The following CPEB4 variants were observed in gnomAD, a reference collection of about 807,000 sequenced individuals.
CPEB4 encodes cytoplasmic polyadenylation element-binding protein 4.
Under a neutral mutation model 72.5 loss-of-function variants are expected in CPEB4, and 12 were observed. The ratio of observed to expected loss-of-function variants is 0.17; its 90% CI spans 0.11 to 0.27. The LOEUF (loss-of-function observed/expected upper bound fraction) is 0.27, where lower values mean the gene tolerates loss of function less well. Ranked by LOEUF, CPEB4 falls within the 10% of genes least tolerant of loss-of-function variation. The pLI, the probability that CPEB4 is intolerant of heterozygous loss-of-function variation, is 1.00. For missense variants in CPEB4, 614 were observed against 908.5 expected, an observed-to-expected ratio of 0.68 and a Z score of 4.17; for synonymous variants, 302 against 326.3, an observed-to-expected ratio of 0.93 and a Z score of 0.80.
In CPEB4 at chr5:173,955,624, A is replaced by G. The variant is rs996212296; in HGVS notation, c.1963-286A>G. Among the ~76,000 whole-genome samples, 3 of 152,236 alleles carry G rather than the reference A, an allele frequency of 2.0e-5. No individual in the cohort carries two copies. Among genetic ancestry groups the G allele is most frequent in the African/African-American group, 7.2e-5 (3 of 41,470 alleles). On this transcript the variant is annotated intron_variant, in intron 9 of 9. Transcript: ENST00000265085. The surrounding 1 kb of genome is among the most constrained non-coding windows in gnomAD (Gnocchi z 4.7). Reference sequence around the variant, plus strand: ...TAATCTCCTGTGGGTTTAATCTCATAACATTCTAGTCTAAACAGTTGGCTT... The same window carrying G: ...TAATCTCCTGTGGGTTTAATCTCATGACATTCTAGTCTAAACAGTTGGCTT...
intron 2 of CPEB4, among the ~76,000 whole-genome samples, chr5:173,927,114 G>T (rs1757269456): frequency 6.6e-6 from 1 of 152,154 alleles, no homozygotes; most frequent in South Asian, 2.1e-4. Context: ...TCGTGCCATT[G>T]CACTCCAGCC....
At position 173,958,690 on chromosome 5, in the gene CPEB4, T is replaced by TA. The variant is rs61679086; in HGVS notation, c.*2563dup. On this transcript the variant is annotated 3_prime_UTR_variant, in exon 10 of 10. Transcript: ENST00000265085. Reference sequence around the variant, plus strand: ...AAATGACAGATAACACTGTAGTTCCTAAAAAAAAAATTAAATGCATAAGCA... The same window carrying TA: ...AAATGACAGATAACACTGTAGTTCCTAAAAAAAAAAATTAAATGCATAAGCA... 0.22 allele frequency: 33,653 copies of TA among 150,252 alleles called. 4,883 individuals carry two copies. Among genetic ancestry groups the TA allele is most frequent in the Non-Finnish European group, 0.31 (20,651 of 67,312 alleles). 9.3% of individuals were successfully genotyped at this position (150,252 alleles called of 1,614,324 possible).
chr5:173,922,057 C>T (rs907942031), intron 2 of CPEB4, among the ~76,000 whole-genome samples: 2 of 152,178 alleles, frequency 1.3e-5, no homozygotes, highest in Admixed American at 1.3e-4. Flanking sequence ...ACTCAGATTC[C>T]TGGTACCTAC....
chr5:173,932,359 T>C, intron 2 of CPEB4, 91 bp from the exon 3 acceptor site: 2 of 926,716 alleles, frequency 2.2e-6, no homozygotes, highest in Non-Finnish European at 3.3e-6. Context: ...CCTTGCCTAT[T>C]TGAAAGCAAG....
intron 2 of CPEB4, among the ~76,000 whole-genome samples, chr5:173,927,170 A>G (rs1429682116): frequency 6.6e-6 from 1 of 152,092 alleles, no homozygotes; most frequent in African/African-American, 2.4e-5. Context: ...AATAAAAAAG[A>G]TGAGTTCTCA....
intron 9 of CPEB4, 42 bp downstream of exon 9, chr5:173,953,314 C>T (rs1758271436): frequency 2.2e-6 from 3 of 1,378,598 alleles, no homozygotes; most frequent in Non-Finnish European, 2.9e-6. Context: ...AGAAATGGTC[C>T]TCTAAATGTG....
chr5:173,960,608 C>CG lies in CPEB4; in HGVS notation c.*4471_*4472insG, dbSNP rs1758519163. 2 of 152,260 alleles carry CG rather than the reference C, an allele frequency of 1.3e-5. No homozygotes were observed. Among genetic ancestry groups the CG allele is most frequent in the South Asian group, 4.1e-4 (2 of 4,820 alleles). The allele number at this position is 152,260 out of a possible 1,614,324, so 9.4% of individuals were successfully genotyped here. Reference sequence around the variant, plus strand: ...ACAGGGAGTAAGCCCAGGATCTAAGCATTCAGTTATCAGTTGAAGGCCAAA... The same window carrying CG: ...ACAGGGAGTAAGCCCAGGATCTAAGCGATTCAGTTATCAGTTGAAGGCCAAA... On this transcript the variant is annotated 3_prime_UTR_variant, in exon 10 of 10. Coordinates refer to ENST00000265085, the MANE Select transcript of CPEB4 (RefSeq NM_030627.4).
chr5:173,900,114 G>A lies in CPEB4; in HGVS notation c.1125+9256G>A, dbSNP rs1756171441. Among the ~76,000 whole-genome samples the A allele has an allele frequency of 6.6e-6, 1 of 152,080 alleles. No individual in the cohort carries two copies. The highest frequency in any genetic ancestry group is 1.5e-5 in the Non-Finnish European group (1 of 68,012). On this transcript the variant is annotated intron_variant, in intron 1 of 9. Coordinates refer to ENST00000265085, the MANE Select transcript of CPEB4 (RefSeq NM_030627.4). This position sits in a 1 kb window ranked among gnomAD's most constrained non-coding sequence, Gnocchi z 4.4. ...CATAAGCTTCAGTTTAGGAATAAAG[G>A]TTGTGCATTGGCCAGGTGTGGTGGC...
In CPEB4 at chr5:173,957,164, A is replaced by T. The variant is rs536228047; in HGVS notation, c.*1027A>T. 7 of 152,898 alleles carry T rather than the reference A, an allele frequency of 4.6e-5. 1 individual carries two copies. The highest frequency in any genetic ancestry group is 9.6e-5 in the African/African-American group (4 of 41,580). The allele number at this position is 152,898 out of a possible 1,614,324, so 9.5% of individuals were successfully genotyped here. A position where few individuals can be genotyped will look rare whatever the true frequency, so the allele number is the denominator to read the frequency against. Reference sequence around the variant, plus strand: ...CAACAACAGATCTAGAGATACCTCAAGGATATCATTTTTGATTTTGTGTTA... The same window carrying T: ...CAACAACAGATCTAGAGATACCTCATGGATATCATTTTTGATTTTGTGTTA... On this transcript the variant is annotated 3_prime_UTR_variant, in exon 10 of 10. Coordinates refer to ENST00000265085, the MANE Select transcript of CPEB4 (RefSeq NM_030627.4).
Position 173,959,239 on chromosome 5 carries a change from C to T in CPEB4, c.*3102C>T, listed in dbSNP as rs1006165234. 27 of 152,882 alleles carry T rather than the reference C, an allele frequency of 1.8e-4. No homozygotes were observed. The highest frequency in any genetic ancestry group is 6.0e-4 in the African/African-American group (25 of 41,564). 9.5% of individuals were successfully genotyped at this position (152,882 alleles called of 1,614,324 possible). A position where few individuals can be genotyped will look rare whatever the true frequency, so the allele number is the denominator to read the frequency against. ...TTACAATGTAGTTACAGAGTAATTA[C>T]ATGGTGATTTTTGCAATGTAAAATA... On this transcript the variant is annotated 3_prime_UTR_variant, in exon 10 of 10. Coordinates refer to ENST00000265085, the MANE Select transcript of CPEB4 (RefSeq NM_030627.4).
chr5:173,937,174 C>T (rs1350326077), intron 3 of CPEB4, among the ~76,000 whole-genome samples: 6 of 151,950 alleles, frequency 3.9e-5, no homozygotes, highest in Admixed American at 2.0e-4. Context: ...TCCCAAGTAG[C>T]TGAGATTACA....
At chr5:173,935,536 T>A in intron 3 of CPEB4, among the ~76,000 whole-genome samples, 1 of 152,218 alleles carries the variant, frequency 6.6e-6, no homozygotes, top group East Asian at 1.9e-4. Context: ...CTTTCAGAGC[T>A]TTTTCTTCCA....
Position 173,945,045 on chromosome 5 carries a change from G to C in CPEB4, c.1361G>C (p.Gly454Ala). The change falls in exon 5 of 10, where the codon GGT becomes GCT. Residue 454 changes from glycine to alanine, a missense_variant. Gly to Ala is a moderately conservative substitution (Grantham distance 60). Coordinates refer to ENST00000265085, the MANE Select transcript of CPEB4 (RefSeq NM_030627.4). The stretch of plus-strand genomic sequence containing the variant: ...GATCAGCCTCTTCATAGTGGCCTGG[G>C]TTCACCTCACTGCTTCAGTCACCAG... Reference protein sequence around the residue: ...RGDQPLHSGLGSPHCFSHQNG... With the variant: ...RGDQPLHSGLASPHCFSHQNG... 1 of 1,614,028 alleles carries C rather than the reference G, an allele frequency of 6.2e-7. No individual in the cohort carries two copies. Among genetic ancestry groups the C allele is most frequent in the Non-Finnish European group, 8.5e-7 (1 of 1,179,944 alleles).
Position 173,955,734 on chromosome 5 carries a change from A to AGCC in CPEB4, c.1963-175_1963-173dup, listed in dbSNP as rs1461777968. ...AAAATGTAAAATGATAGATAATAAA[A>AGCC]GCCTTACTAGGTTCTTAAAAGATGA... On this transcript the variant is annotated intron_variant, in intron 9 of 9. Coordinates refer to ENST00000265085, the MANE Select transcript of CPEB4 (RefSeq NM_030627.4). The surrounding 1 kb of genome is among the most constrained non-coding windows in gnomAD (Gnocchi z 4.7). Among the ~76,000 whole-genome samples, 1 of 152,210 alleles carries AGCC rather than the reference A, an allele frequency of 6.6e-6. No individual in the cohort carries two copies. Among genetic ancestry groups the AGCC allele is most frequent in the Non-Finnish European group, 1.5e-5 (1 of 68,038 alleles).
intron 2 of CPEB4, among the ~76,000 whole-genome samples, chr5:173,914,592 C>T (rs1400605982): frequency 1.3e-5 from 2 of 151,996 alleles, no homozygotes; most frequent in South Asian, 4.1e-4. Context: ...CCCATCTCTA[C>T]TAAAAACAGA....
chr5:173,893,739 C>T (rs1443374963), intron 1 of CPEB4, among the ~76,000 whole-genome samples: 1 of 152,102 alleles, frequency 6.6e-6, no homozygotes, highest in Non-Finnish European at 1.5e-5. Flanking sequence ...TGAAGTGTAA[C>T]TGATATTAGG....
At chr5:173,948,895 C>T (rs1301385965) in intron 5 of CPEB4, among the ~76,000 whole-genome samples, 2 of 152,112 alleles carry the variant, frequency 1.3e-5, no homozygotes, top group African/African-American at 2.4e-5. Flanking sequence ...ACCTAATCAC[C>T]TACCAAAGGC....
intron 3 of CPEB4, among the ~76,000 whole-genome samples, chr5:173,937,019 CTTTTTTTTTTTTTTT>C (rs150187685): frequency 2.1e-5 from 2 of 97,214 alleles, no homozygotes; most frequent in African/African-American, 8.1e-5. Context: ...CATTTCTTTC[CTTTTTTTTTTTTTTT>C]TTTTTTTGAG....
chr5:173,906,377 A>G (rs1306149750), intron 1 of CPEB4, among the ~76,000 whole-genome samples: 1 of 152,246 alleles, frequency 6.6e-6, no homozygotes, highest in South Asian at 2.1e-4. Context: ...GTAAATCAAG[A>G]ATGGCAATCT....
Sources: allele counts gnomAD v4.1 joint callset (sites outside exome capture counted in the v4.1 genomes callset), GRCh38; gene constraint gnomAD v4.1.1; non-coding constraint Gnocchi (gnomAD v3.1); transcripts MANE v1.5; gene names NCBI Gene and HGNC (gene_info 2026-07-23, HGNC 2026-07-21).